Variants in ZNF10 observed in about 807,000 individuals in gnomAD.
ZNF10 encodes the protein zinc finger protein 10.
ZNF10 carries 8 observed loss-of-function variants against 12.2 expected under a neutral mutation model. The observed-to-expected ratio is 0.66, with a 90% confidence interval of 0.39 to 1.18. The LOEUF (loss-of-function observed/expected upper bound fraction) is 1.18, where lower values mean the gene tolerates loss of function less well. Among genes scored for constraint, ZNF10 ranks in the 50% most tolerant of loss-of-function variants. The probability of loss-of-function intolerance (pLI) is 0.01; values close to 1 mark genes in which losing one functional copy is unlikely to be tolerated. For synonymous variants in ZNF10, 229 were observed against 228.2 expected, an observed-to-expected ratio of 1.00 and a Z score of -0.03; for missense variants, 603 against 678.9, an observed-to-expected ratio of 0.89 and a Z score of 1.24.
intron 4 of ZNF10, among the ~76,000 whole-genome samples, 157 bp downstream of exon 4, chr12:133,152,061 A>T (rs1956012012): frequency 6.6e-6 from 1 of 152,202 alleles, no homozygotes; most frequent in African/African-American, 2.4e-5. Context: ...CAGTCTTTAC[A>T]TTCCATTTGC....
intron 2 of ZNF10, among the ~76,000 whole-genome samples, chr12:133,149,962 C>T (rs1432465564): frequency 6.6e-6 from 1 of 152,140 alleles, no homozygotes; most frequent in Non-Finnish European, 1.5e-5. Flanking sequence ...ATTTTTACTA[C>T]TTCAAGCAAA....
intron 1 of ZNF10, among the ~76,000 whole-genome samples, chr12:133,141,354 G>T (rs1388676206): frequency 1.3e-5 from 2 of 152,120 alleles, no homozygotes; most frequent in Non-Finnish European, 2.9e-5. Flanking sequence ...CATGCAAAGA[G>T]ATGAAAACAT....
rs113925945 is a variant in ZNF10 at position 133,144,352 on chromosome 12, T to C, written c.-59-82T>C. On this transcript the variant is annotated intron_variant, in intron 1 of 4. Coordinates refer to ENST00000248211, the MANE Select transcript of ZNF10 (RefSeq NM_015394.5). The stretch of plus-strand genomic sequence containing the variant: ...AGTGGGTGTTTGTGTCATACCCAGC[T>C]GGTATGAAGAAGTTTAGACTGACAA... 3.0e-5 allele frequency: 21 copies of C among 707,474 alleles called. 1 individual carries two copies. The highest frequency in any genetic ancestry group is 2.0e-4 in the African/African-American group (11 of 55,804). 43.8% of individuals were successfully genotyped at this position (707,474 alleles called of 1,614,324 possible). A position where few individuals can be genotyped will look rare whatever the true frequency, so the allele number is the denominator to read the frequency against.
chr12:133,150,568 G>GTTT (rs756080370), intron 2 of ZNF10, among the ~76,000 whole-genome samples: 2 of 133,798 alleles, frequency 1.5e-5, no homozygotes, highest in Non-Finnish European at 3.3e-5. Context: ...CAACTCTTCT[G>GTTT]TTTTTTTTTT....
intron 2 of ZNF10, among the ~76,000 whole-genome samples, chr12:133,148,096 G>A (rs2135462318): frequency 6.6e-6 from 1 of 152,184 alleles, no homozygotes; most frequent in East Asian, 1.9e-4. Flanking sequence ...TTTTGGTGAA[G>A]CTCACTTTGT....
intron 1 of ZNF10, among the ~76,000 whole-genome samples, chr12:133,133,051 A>G (rs1009953675): frequency 6.6e-6 from 1 of 152,152 alleles, no homozygotes; most frequent in African/African-American, 2.4e-5. Flanking sequence ...TTAGAATTCT[A>G]TATTTGTTTA....
At chr12:133,151,954 A>C in intron 4 of ZNF10, 50 bp downstream of exon 4, 1 of 1,473,696 alleles carries the variant, frequency 6.8e-7, no homozygotes, top group East Asian at 2.3e-5. Context: ...ATGGGCTGTG[A>C]GGTGCCAGAA....
At chr12:133,143,301 A>G (rs904292695) in intron 1 of ZNF10, among the ~76,000 whole-genome samples, 1 of 152,144 alleles carries the variant, frequency 6.6e-6, no homozygotes, top group Admixed American at 6.5e-5. Flanking sequence ...ACTTAATGCC[A>G]CTGAATTGGA....
intron 2 of ZNF10, 93 bp downstream of exon 2, chr12:133,144,618 C>T: frequency 7.8e-7 from 1 of 1,288,472 alleles, no homozygotes; most frequent in Non-Finnish European, 1.1e-6. Flanking sequence ...TCTTCTTCTC[C>T]AGCAGACTAG....
At chr12:133,150,140 G>A (rs1401240383) in intron 2 of ZNF10, among the ~76,000 whole-genome samples, 2 of 152,174 alleles carry the variant, frequency 1.3e-5, no homozygotes, top group African/African-American at 4.8e-5. Context: ...TATTTACCCA[G>A]ATATCTACTG....
rs142997617 is a variant in ZNF10, at chr12:133,148,943, G to T, written c.34-2085G>T. On this transcript the variant is annotated intron_variant, in intron 2 of 4. Transcript: ENST00000248211. ...AATTTTGTATTTTTAGTAGAGACAGGGTTTCTCCATGTTGGTCAGGCTGGT... is the reference window on the plus strand; with the variant it reads ...AATTTTGTATTTTTAGTAGAGACAGTGTTTCTCCATGTTGGTCAGGCTGGT... Among the ~76,000 whole-genome samples, 803 of 151,938 alleles carry T rather than the reference G, an allele frequency of 5.3e-3. 10 individuals are homozygous for T. The highest frequency in any genetic ancestry group is 0.019 in the African/African-American group (774 of 41,412).
At chr12:133,149,021 G>A (rs1211915185) in intron 2 of ZNF10, among the ~76,000 whole-genome samples, 3 of 151,928 alleles carry the variant, frequency 2.0e-5, no homozygotes, top group Admixed American at 6.6e-5. Context: ...CAAAGTTCTG[G>A]GATTACAGGC....
intron 2 of ZNF10, among the ~76,000 whole-genome samples, chr12:133,149,120 G>A (rs1322253518): frequency 6.8e-6 from 1 of 147,758 alleles, no homozygotes; most frequent in East Asian, 2.1e-4. Flanking sequence ...TTGAGGCAGG[G>A]TCTCATTGTT....
In ZNF10 at chr12:133,131,531, C is replaced by G. The variant is rs12296134; in HGVS notation, c.-60+777C>G. ...GCAGGATGTCACCCAGAATGCCAGCCAACAAGTGTTATTAGGTTAGAAATG... is the reference window on the plus strand; with the variant it reads ...GCAGGATGTCACCCAGAATGCCAGCGAACAAGTGTTATTAGGTTAGAAATG... On this transcript the variant is annotated intron_variant, in intron 1 of 4. Coordinates refer to ENST00000248211, the MANE Select transcript of ZNF10 (RefSeq NM_015394.5). 6.7e-3 allele frequency among the ~76,000 whole-genome samples: 1,014 copies of G among 151,916 alleles called. 10 individuals are homozygous for G. The highest frequency in any genetic ancestry group is 0.023 in the African/African-American group (940 of 41,444).
At chr12:133,140,149 G>C (rs1442097783) in intron 1 of ZNF10, among the ~76,000 whole-genome samples, 2 of 145,332 alleles carry the variant, frequency 1.4e-5, no homozygotes, top group Non-Finnish European at 3.0e-5. Flanking sequence ...ACTGCAGTGA[G>C]CTGTGTTCGT....
chr12:133,144,348 C>A, intron 1 of ZNF10, 86 bp from the exon 2 acceptor site: 1 of 691,068 alleles, frequency 1.4e-6, no homozygotes, highest in Non-Finnish European at 2.4e-6. Flanking sequence ...GTGTCATACC[C>A]AGCTGGTATG....
chr12:133,151,032 T>TGGTGAC lies in ZNF10; in HGVS notation c.39_44dup (p.Val14_Thr15dup), dbSNP rs745476159. 1 of 1,612,808 alleles carries TGGTGAC rather than the reference T, an allele frequency of 6.2e-7. No homozygotes were observed. The highest frequency in any genetic ancestry group is 1.7e-5 in the Admixed American group (1 of 59,978). ...CAAATGTGTTTGATGTTGTAGACACTGGTGACCTTCAAGGATGTATTTGTG... is the reference window on the plus strand; with the variant it reads ...CAAATGTGTTTGATGTTGTAGACACTGGTGACGGTGACCTTCAAGGATGTATTTGTG... On this transcript the variant is annotated inframe_insertion, in exon 3 of 5. Coordinates refer to ENST00000248211, the MANE Select transcript of ZNF10 (RefSeq NM_015394.5).
Position 133,151,072 on chromosome 12 carries a change from G to A in ZNF10, c.78G>A (p.Glu26=). The A allele has an allele frequency of 6.2e-7, 1 of 1,613,760 alleles. No homozygotes were observed. The highest frequency in any genetic ancestry group is 8.5e-7 in the Non-Finnish European group (1 of 1,179,700). ...FKDVFVDFTR[E]EWKLLDTAQQ... is the part of the protein sequence containing the mutation. ...ATGTATTTGTGGACTTCACCAGGGA[G>A]GAGTGGAAGCTGCTGGACACTGCTC... is the stretch of plus-strand genomic sequence containing the variant. The change falls in exon 3 of 5, where the codon GAG becomes GAA. Residue 26 remains glutamate, a synonymous_variant. Transcript: ENST00000248211.
chr12:133,147,011 A>G (rs940648062), intron 2 of ZNF10, among the ~76,000 whole-genome samples: 1 of 152,186 alleles, frequency 6.6e-6, no homozygotes, highest in Non-Finnish European at 1.5e-5. Context: ...GGAATCTCAT[A>G]GTATGAAGCC....
Sources: gnomAD v4.1 joint callset for allele counts (sites outside exome capture counted in the v4.1 genomes callset) on GRCh38, gnomAD v4.1.1 for gene constraint, MANE v1.5 for transcripts, NCBI Gene and HGNC (gene_info 2026-07-23, HGNC 2026-07-21) for gene names.